Variants in RRP12 observed in about 807,000 individuals in gnomAD.
The protein encoded by RRP12 is ribosomal RNA processing 12 homolog.
In RRP12, 78 loss-of-function variants were observed where a neutral mutation model predicts 157.3. The observed-to-expected ratio is 0.50, with a 90% CI of 0.41 to 0.60. RRP12 has a LOEUF of 0.60. RRP12 is among the 20% of genes least tolerant of loss of function. The pLI, the probability that RRP12 is intolerant of heterozygous loss-of-function variation, is 0.00. For missense variants in RRP12, 1,521 were observed against 1,679.9 expected (o/e 0.91, Z 1.65); for synonymous variants, 726 against 670.9 (o/e 1.08, Z -1.27).
intron 30 of RRP12, 47 bp from the exon 31 acceptor site, chr10:97,360,665 C>T: frequency 6.9e-7 from 1 of 1,457,274 alleles, no homozygotes; most frequent in Non-Finnish European, 9.6e-7. Context: ...GGGGATGTGC[C>T]CACCCTCGGG....
rs2297989 is a variant in RRP12 at position 97,366,962 on chromosome 10, C to T, written c.3048-53G>A. ...GAGGCACTGGCCAGACAGCACGACC[C>T]AGATGTAGTGTCCCTGGTAGGACTG... On this transcript the variant is annotated intron_variant, in intron 26 of 33. Coordinates refer to ENST00000370992, the MANE Select transcript of RRP12 (RefSeq NM_015179.4). The T allele has an allele frequency of 3.2e-3, 5,198 of 1,609,508 alleles. 80 individuals are homozygous for T. The East Asian group carries it at 0.054, about 17-fold the overall frequency.
At chr10:97,395,207 T>TATACAC (rs112214269) in intron 3 of RRP12, among the ~76,000 whole-genome samples, 30,875 of 149,394 alleles carry the variant, frequency 0.21, 3,442 homozygotes, top group South Asian at 0.32. Flanking sequence ...TATACACATA[T>TATACAC]ACACACACAC....
chr10:97,357,208 AG>A lies in RRP12; in HGVS notation c.3792-13del. 1 of 1,549,472 alleles carries A rather than the reference AG, an allele frequency of 6.5e-7. No homozygotes were observed. Among genetic ancestry groups the A allele is most frequent in the Non-Finnish European group, 8.9e-7 (1 of 1,125,310 alleles). On this transcript the variant is annotated splice_polypyrimidine_tract_variant and intron_variant, in intron 33 of 33. Transcript: ENST00000370992. Reference sequence around the variant, plus strand: ...GCTTCATCTTCTTCCTGCAGGGCCAAGGAACGGAAGGGTCACATCTGGCTGA... The same window carrying A: ...GCTTCATCTTCTTCCTGCAGGGCCAAGAACGGAAGGGTCACATCTGGCTGA...
At chr10:97,375,491 A>AT (rs1310856797) in intron 15 of RRP12, among the ~76,000 whole-genome samples, 12 of 152,180 alleles carry the variant, frequency 7.9e-5, no homozygotes, top group Non-Finnish European at 1.6e-4. Context: ...GTATAAGCCA[A>AT]TACTGTCAGG....
At position 97,358,983 on chromosome 10, in the gene RRP12, A is replaced by G. The variant is rs1843778646; in HGVS notation, c.3668T>C (p.Val1223Ala). 1 of 1,613,884 alleles carries G rather than the reference A, an allele frequency of 6.2e-7. No homozygotes were observed. Among genetic ancestry groups the G allele is most frequent in the African/African-American group, 1.3e-5 (1 of 74,942 alleles). ...AGCCCCAGGCATAGCCTTCTTGGCCACAGGGCGATGAATGCCAGAGCCTCC... is the reference window on the plus strand; with the variant it reads ...AGCCCCAGGCATAGCCTTCTTGGCCGCAGGGCGATGAATGCCAGAGCCTCC... Reference protein sequence around the residue: ...QAGGSGIHRPVAKKAMPGAEY... With the variant: ...QAGGSGIHRPAAKKAMPGAEY... The change falls in exon 32 of 34, where the codon GTG becomes GCG. Residue 1223 changes from valine (V) to alanine (A), a missense_variant. By Grantham distance (64) the Val-to-Ala change is moderately conservative. Coordinates refer to ENST00000370992, the MANE Select transcript of RRP12 (RefSeq NM_015179.4).
chr10:97,401,365 A>C, upstream of RRP12: 1 of 1,165,552 alleles, frequency 8.6e-7, no homozygotes, highest in Non-Finnish European at 1.2e-6. Context: ...ATTCGTGTGC[A>C]TTACTATGGT....
intron 11 of RRP12, 108 bp downstream of exon 11, chr10:97,381,607 A>C (rs1844469165): frequency 1.6e-6 from 2 of 1,226,010 alleles, no homozygotes; most frequent in African/African-American, 3.0e-5. Flanking sequence ...CCATTTTGAG[A>C]GCGGCCTCTC....
chr10:97,378,017 C>T (rs774394043), intron 15 of RRP12, among the ~76,000 whole-genome samples: 2 of 152,148 alleles, frequency 1.3e-5, no homozygotes, highest in Admixed American at 1.3e-4. Context: ...TCTGCCTATC[C>T]TCACGTAGGC....
At chr10:97,389,249 A>G (rs897070576) in intron 6 of RRP12, among the ~76,000 whole-genome samples, 19 of 151,998 alleles carry the variant, frequency 1.3e-4, no homozygotes, top group African/African-American at 4.3e-4. Context: ...GCCCGCCACC[A>G]CACCCGGCTA....
At chr10:97,364,782 G>T (rs1172759892) in intron 29 of RRP12, among the ~76,000 whole-genome samples, 3 of 152,110 alleles carry the variant, frequency 2.0e-5, no homozygotes, top group African/African-American at 7.2e-5. Flanking sequence ...AGTTCTGGGG[G>T]AATCAGGCCT....
intron 15 of RRP12, among the ~76,000 whole-genome samples, chr10:97,379,056 C>T (rs1371997489): frequency 6.6e-6 from 1 of 152,242 alleles, no homozygotes; most frequent in Non-Finnish European, 1.5e-5. Context: ...CATGTGGAGG[C>T]AGCTCCTGTC....
chr10:97,361,751 T>C (rs1301828183), intron 30 of RRP12, among the ~76,000 whole-genome samples: 1 of 152,194 alleles, frequency 6.6e-6, no homozygotes, highest in Non-Finnish European at 1.5e-5. Context: ...CCCAGCCTGC[T>C]GGCCCTGAAT....
In RRP12 at chr10:97,381,370, G is replaced by C; in HGVS notation, c.1418+16C>G. The C allele has an allele frequency of 6.4e-7, 1 of 1,573,752 alleles. No homozygotes were observed. The highest frequency in any genetic ancestry group is 1.4e-5 in the African/African-American group (1 of 73,316). On this transcript the variant is annotated intron_variant, in intron 12 of 33. Coordinates refer to ENST00000370992, the MANE Select transcript of RRP12 (RefSeq NM_015179.4). ...GGTACCACCATCCCTTCCTAACATGGACCCCATATCCTCACCTGAACATCT... is the reference window on the plus strand; with the variant it reads ...GGTACCACCATCCCTTCCTAACATGCACCCCATATCCTCACCTGAACATCT...
intron 29 of RRP12, chr10:97,365,844 C>T (rs996169213): frequency 9.8e-6 from 4 of 409,284 alleles, no homozygotes; most frequent in Non-Finnish European, 1.3e-5. Context: ...ACAGAAGAGA[C>T]TAACAGCGTA....
At chr10:97,361,904 C>G (rs867276751) in intron 30 of RRP12, among the ~76,000 whole-genome samples, 1 of 151,986 alleles carries the variant, frequency 6.6e-6, no homozygotes, top group Non-Finnish European at 1.5e-5. Flanking sequence ...GTCAGGAGTT[C>G]GAGACCAGCC....
chr10:97,395,349 C>T (rs984367332), intron 3 of RRP12, among the ~76,000 whole-genome samples: 2 of 148,304 alleles, frequency 1.3e-5, no homozygotes, highest in African/African-American at 2.5e-5. Context: ...GTTGCGAGTT[C>T]GAGACCAGCC....
intron 3 of RRP12, among the ~76,000 whole-genome samples, chr10:97,394,039 A>G (rs1844886210): frequency 6.6e-6 from 1 of 152,212 alleles, no homozygotes; most frequent in Admixed American, 6.6e-5. Flanking sequence ...TGCCTGACAC[A>G]TAATTAAAAC....
At position 97,371,035 on chromosome 10, in the gene RRP12, T is replaced by C. The variant is rs777305594; in HGVS notation, c.2390A>G (p.Glu797Gly). 2 of 1,613,640 alleles carry C rather than the reference T, an allele frequency of 1.2e-6. No homozygotes were observed. Among genetic ancestry groups the C allele is most frequent in the Non-Finnish European group, 1.7e-6 (2 of 1,179,770 alleles). The change falls in exon 21 of 34, where the codon GAG becomes GGG. Residue 797 changes from glutamate to glycine, a missense_variant. Glu to Gly is a moderately conservative substitution (Grantham distance 98). Transcript: ENST00000370992. Reference protein sequence around the residue: ...VQKKAYRVLEEVCASPQGPGA... With the variant: ...VQKKAYRVLEGVCASPQGPGA... Reference sequence around the variant, plus strand: ...GGGGCCCTGAGGACTGGCACACACCTCCTCCAGCACTCGGTAGGCCTTCTT... The same window carrying C: ...GGGGCCCTGAGGACTGGCACACACCCCCTCCAGCACTCGGTAGGCCTTCTT...
At chr10:97,370,405 C>T (rs932917650) in intron 23 of RRP12, 50 bp downstream of exon 23, 2 of 1,076,248 alleles carry the variant, frequency 1.9e-6, no homozygotes, top group Non-Finnish European at 2.7e-6. Context: ...GGTGCTTCCC[C>T]CCACCCAGTC....
Sources: allele counts gnomAD v4.1 joint callset (sites outside exome capture counted in the v4.1 genomes callset), GRCh38; gene constraint gnomAD v4.1.1; transcripts MANE v1.5; gene names NCBI Gene and HGNC (gene_info 2026-07-23, HGNC 2026-07-21).